SPHK1: variants seen among roughly 807,000 people sequenced by gnomAD.
The protein encoded by SPHK1 is SK 1.
In SPHK1, 10 loss-of-function variants were observed where a neutral mutation model predicts 14.6. The ratio of observed to expected loss-of-function variants is 0.68; its 90% CI spans 0.42 to 1.16. SPHK1 has a LOEUF of 1.16. Ranked by LOEUF, SPHK1 falls within the 50% of genes most tolerant of loss-of-function variation. SPHK1 has a pLI of 0.00. For missense variants in SPHK1, 553 were observed against 525.4 expected (o/e 1.05, Z -0.51); for synonymous variants, 274 against 224.0 (o/e 1.22, Z -1.99).
At position 76,385,324 on chromosome 17, in the gene SPHK1, G is replaced by A; in HGVS notation, c.-194-127G>A. The A allele has an allele frequency of 1.4e-6, 2 of 1,452,724 alleles. No homozygotes were observed. Among genetic ancestry groups the A allele is most frequent in the Non-Finnish European group, 1.8e-6 (2 of 1,103,884 alleles). 90.0% of individuals were successfully genotyped at this position (1,452,724 alleles called of 1,614,324 possible). ...CGGCGGGGGCGCCCTCGGAGGCACC[G>A]GACCTCAGCTCTCTGGACTTCCCGG... On this transcript the variant is annotated intron_variant, in intron 1 of 5. Coordinates refer to ENST00000592299, the MANE Select transcript of SPHK1 (RefSeq NM_001142601.2). The surrounding 1 kb of genome is among the most constrained non-coding windows in gnomAD (Gnocchi z 5.3).
upstream of SPHK1, chr17:76,384,560 G>GGGA (rs1397160827): frequency 6.6e-6 from 1 of 151,242 alleles, no homozygotes; most frequent in Non-Finnish European, 1.5e-5. Context: ...GCCGGGCTCA[G>GGGA]GTTCCACCCC....
chr17:76,387,842 A>C lies in SPHK1; in HGVS notation c.*256A>C. The C allele has an allele frequency of 4.4e-6, 2 of 455,350 alleles. No individual in the cohort carries two copies. Among genetic ancestry groups the C allele is most frequent in the Non-Finnish European group, 7.8e-6 (2 of 256,534 alleles). The allele number at this position is 455,350 out of a possible 1,614,324, so 28.2% of individuals were successfully genotyped here. On this transcript the variant is annotated 3_prime_UTR_variant, in exon 6 of 6. Transcript: ENST00000592299. This position sits in a 1 kb window ranked among gnomAD's most constrained non-coding sequence, Gnocchi z 4.1. ...CCACCCCACGAACCAAATCCAAATA[A>C]AGTGACATTCCCAGCCTGCTCGTCC...
At chr17:76,383,591 T>C (rs2071905765), upstream of SPHK1, 1 of 268,532 alleles carries the variant, frequency 3.7e-6, no homozygotes, top group Non-Finnish European at 7.5e-6. Context: ...CGCAGGGGCT[T>C]GGTTTCTCCT....
chr17:76,385,483 C>T lies in SPHK1; in HGVS notation c.-162C>T, dbSNP rs1390656209. The T allele has an allele frequency of 1.9e-6, 3 of 1,560,996 alleles. 1 individual carries two copies. The highest frequency in any genetic ancestry group is 2.3e-5 in the East Asian group (1 of 42,788). On this transcript the variant is annotated 5_prime_UTR_variant, in exon 2 of 6. Coordinates refer to ENST00000592299, the MANE Select transcript of SPHK1 (RefSeq NM_001142601.2). This position sits in a 1 kb window ranked among gnomAD's most constrained non-coding sequence, Gnocchi z 5.3. The stretch of plus-strand genomic sequence containing the variant: ...CGCCGCAGGGAATGACGCCGGTGCT[C>T]CTGCAGCCACGGCTCCGGGCGGGGA...
Position 76,386,762 on chromosome 17 carries a change from A to G in SPHK1, c.375-44A>G, listed in dbSNP as rs1437909754. On this transcript the variant is annotated intron_variant, in intron 5 of 5. Coordinates refer to ENST00000592299, the MANE Select transcript of SPHK1 (RefSeq NM_001142601.2). This position sits in a 1 kb window ranked among gnomAD's most constrained non-coding sequence, Gnocchi z 5.3. ...CCCGGGAGGAGGAAGCGGGGGATAC[A>G]TGGGGGCTCCTGTCCTGCCTTATCT... 7 of 1,514,162 alleles carry G rather than the reference A, an allele frequency of 4.6e-6. No individual in the cohort carries two copies. The highest frequency in any genetic ancestry group is 1.3e-5 in the South Asian group (1 of 75,376). The allele number at this position is 1,514,162 out of a possible 1,614,324, so 93.8% of individuals were successfully genotyped here.
At chr17:76,383,826 A>G (rs2071910359), upstream of SPHK1, 3 of 1,286,378 alleles carry the variant, frequency 2.3e-6, no homozygotes, top group Non-Finnish European at 3.0e-6. Context: ...GCTGAGCCAG[A>G]GGGGGCGGGG....
At position 76,387,178 on chromosome 17, in the gene SPHK1, G is replaced by C; in HGVS notation, c.747G>C (p.Trp249Cys). 3 of 1,613,262 alleles carry C rather than the reference G, an allele frequency of 1.9e-6. No individual in the cohort carries two copies. Among genetic ancestry groups the C allele is most frequent in the Non-Finnish European group, 2.5e-6 (3 of 1,179,978 alleles). ...VPLEEPVPSH[W>C]TVVPDEDFVL... The stretch of plus-strand genomic sequence containing the variant: ...TGGAGGAGCCAGTGCCCTCTCACTG[G>C]ACAGTGGTGCCCGACGAGGACTTTG... The change falls in exon 6 of 6, where the codon TGG becomes TGC. Residue 249 changes from tryptophan to cysteine, a missense_variant. Transcript: ENST00000592299. The surrounding 1 kb of genome is among the most constrained non-coding windows in gnomAD (Gnocchi z 4.1).
chr17:76,384,571 C>T (rs2071926379), upstream of SPHK1: 1 of 151,478 alleles, frequency 6.6e-6, no homozygotes, highest in Non-Finnish European at 1.5e-5. Flanking sequence ...GTTCCACCCC[C>T]GGGAGCGCGG....
At position 76,387,252 on chromosome 17, in the gene SPHK1, C is replaced by T; in HGVS notation, c.821C>T (p.Ala274Val). ...TCGCACCTGGGCAGTGAGATGTTTG[C>T]TGCACCCATGGGCCGCTGTGCAGCT... ...LHSHLGSEMF[A>V]APMGRCAAGV... Residue 274 changes from alanine to valine, a missense_variant, in exon 6 of 6, where the codon GCT becomes GTT. Ala to Val is a moderately conservative substitution (Grantham distance 64). Transcript: ENST00000592299. The surrounding 1 kb of genome is among the most constrained non-coding windows in gnomAD (Gnocchi z 4.1). 6.2e-7 allele frequency: 1 copy of T among 1,613,356 alleles called. No individual in the cohort carries two copies.
At chr17:76,383,816 G>C (rs1231065077), upstream of SPHK1, 1 of 1,286,632 alleles carries the variant, frequency 7.8e-7, no homozygotes, top group East Asian at 5.6e-5. Context: ...CCTTCTTCAC[G>C]CTGAGCCAGA....
rs532940482 is a variant in SPHK1 at position 76,386,876 on chromosome 17, C to G, written c.445C>G (p.Pro149Ala). The G allele has an allele frequency of 6.2e-7, 1 of 1,608,470 alleles. No homozygotes were observed. Among genetic ancestry groups the G allele is most frequent in the Admixed American group, 1.7e-5 (1 of 59,684 alleles). The change falls in exon 6 of 6, where the codon CCC (proline) becomes GCC (alanine). Residue 149 changes from proline to alanine, a missense_variant. Coordinates refer to ENST00000592299, the MANE Select transcript of SPHK1 (RefSeq NM_001142601.2). The surrounding 1 kb of genome is among the most constrained non-coding windows in gnomAD (Gnocchi z 5.3). ...ATTGCTGTGCCGCCGGCTGCTGTCA[C>G]CCATGAACCTGCTGTCTCTGCACAC... ...TLLLCRRLLS[P>A]MNLLSLHTAS...
rs2071990304 is a variant in SPHK1, at chr17:76,386,683, TA to T, written c.375-122del. 1 of 1,260,990 alleles carries T rather than the reference TA, an allele frequency of 7.9e-7. No individual in the cohort carries two copies. Among genetic ancestry groups the T allele is most frequent in the South Asian group, 1.5e-5 (1 of 68,836 alleles). 78.1% of individuals were successfully genotyped at this position (1,260,990 alleles called of 1,614,324 possible). A position where few individuals can be genotyped will look rare whatever the true frequency, so the allele number is the denominator to read the frequency against. The stretch of plus-strand genomic sequence containing the variant: ...GCTTCCATTTGCTCCATCTGTCACC[TA>T]CCAGTCCTGCCAACTCCCCAGGGAC... On this transcript the variant is annotated intron_variant, in intron 5 of 5. Coordinates refer to ENST00000592299, the MANE Select transcript of SPHK1 (RefSeq NM_001142601.2). The surrounding 1 kb of genome is among the most constrained non-coding windows in gnomAD (Gnocchi z 5.3).
Position 76,386,051 on chromosome 17 carries a change from G to A in SPHK1, c.77G>A (p.Gly26Asp). The A allele has an allele frequency of 1.2e-6, 2 of 1,608,240 alleles. No individual in the cohort carries two copies. Among genetic ancestry groups the A allele is most frequent in the Non-Finnish European group, 1.7e-6 (2 of 1,177,534 alleles). Residue 26 changes from glycine (G) to aspartate (D), a missense_variant, in exon 3 of 6, where the codon GGC becomes GAC. Physicochemically the swap from Gly to Asp is moderately conservative, Grantham distance 94. Transcript: ENST00000592299. This position sits in a 1 kb window ranked among gnomAD's most constrained non-coding sequence, Gnocchi z 5.3. ...RVLVLLNPRG[G>D]KGKALQLFRS... ...CTGGTGCTGCTGAACCCGCGCGGCG[G>A]CAAGGGCAAGGCCTTGCAGCTCTTC...
chr17:76,386,333 C>G lies in SPHK1; in HGVS notation c.258+18C>G. On this transcript the variant is annotated intron_variant, in intron 4 of 5. Coordinates refer to ENST00000592299, the MANE Select transcript of SPHK1 (RefSeq NM_001142601.2). This position sits in a 1 kb window ranked among gnomAD's most constrained non-coding sequence, Gnocchi z 5.3. Reference sequence around the variant, plus strand: ...TGCACGAGGTGAGGACCGCACTGCGCGGCTAGGCCTGGGGCTTGGCGCGGT... The same window carrying G: ...TGCACGAGGTGAGGACCGCACTGCGGGGCTAGGCCTGGGGCTTGGCGCGGT... The G allele has an allele frequency of 6.2e-7, 1 of 1,605,650 alleles. No homozygotes were observed. Among genetic ancestry groups the G allele is most frequent in the East Asian group, 2.2e-5 (1 of 44,728 alleles).
Position 76,385,635 on chromosome 17 carries a change from G to A in SPHK1, c.-10G>A, listed in dbSNP as rs767526349. The A allele has an allele frequency of 8.5e-6, 13 of 1,538,268 alleles. No homozygotes were observed. In the South Asian group the frequency reaches 1.4e-4, roughly 17 times the overall value. ...GGACCCCCTGGCAGCGGGAGCCGCG[G>A]GTCGAGGTTATGGATCCAGGTTTGT... is the stretch of plus-strand genomic sequence containing the variant. On this transcript the variant is annotated 5_prime_UTR_variant, in exon 2 of 6. Coordinates refer to ENST00000592299, the MANE Select transcript of SPHK1 (RefSeq NM_001142601.2). The surrounding 1 kb of genome is among the most constrained non-coding windows in gnomAD (Gnocchi z 5.3).
At position 76,386,945 on chromosome 17, in the gene SPHK1, G is replaced by A. The variant is rs2143634638; in HGVS notation, c.514G>A (p.Gly172Ser). 1.2e-6 allele frequency: 2 copies of A among 1,613,426 alleles called. No individual in the cohort carries two copies. Among genetic ancestry groups the A allele is most frequent in the East Asian group, 4.5e-5 (2 of 44,840 alleles). Residue 172 changes from glycine to serine, a missense_variant, in exon 6 of 6, where the codon GGC becomes AGC. Transcript: ENST00000592299. The surrounding 1 kb of genome is among the most constrained non-coding windows in gnomAD (Gnocchi z 5.3). ...CTTCTCTGTGCTCAGCCTGGCCTGG[G>A]GCTTCATTGCTGATGTGGACCTAGA... ...RLFSVLSLAW[G>S]FIADVDLESE...
rs1223637819 is a variant in SPHK1, at chr17:76,386,517, C to T, written c.374+9C>T. Reference sequence around the variant, plus strand: ...TTGAACCATTATGCTGGGTGAGAGCCCAGGGCCAGAGTAGGCCTGTTTCCC... The same window carrying T: ...TTGAACCATTATGCTGGGTGAGAGCTCAGGGCCAGAGTAGGCCTGTTTCCC... On this transcript the variant is annotated intron_variant, in intron 5 of 5. Coordinates refer to ENST00000592299, the MANE Select transcript of SPHK1 (RefSeq NM_001142601.2). This position sits in a 1 kb window ranked among gnomAD's most constrained non-coding sequence, Gnocchi z 5.3. The T allele has an allele frequency of 6.2e-7, 1 of 1,609,394 alleles. No individual in the cohort carries two copies. The highest frequency in any genetic ancestry group is 1.1e-5 in the South Asian group (1 of 90,902).
rs138805015 is a variant in SPHK1 at position 76,386,861 on chromosome 17, C to T, written c.430C>T (p.Arg144Cys). The T allele has an allele frequency of 9.4e-6, 15 of 1,598,380 alleles. No homozygotes were observed. Among genetic ancestry groups the T allele is most frequent in the East Asian group, 6.7e-5 (3 of 44,644 alleles). ...LLTNCTLLLC[R>C]RLLSPMNLLS... The stretch of plus-strand genomic sequence containing the variant: ...GACCAACTGCACGCTATTGCTGTGC[C>T]GCCGGCTGCTGTCACCCATGAACCT... Residue 144 changes from arginine to cysteine, a missense_variant, in exon 6 of 6, where the codon CGC (arginine) becomes TGC (cysteine). Coordinates refer to ENST00000592299, the MANE Select transcript of SPHK1 (RefSeq NM_001142601.2). This position sits in a 1 kb window ranked among gnomAD's most constrained non-coding sequence, Gnocchi z 5.3.
Position 76,387,822 on chromosome 17 carries a change from C to A in SPHK1, c.*236C>A, listed in dbSNP as rs1273889809. The stretch of plus-strand genomic sequence containing the variant: ...TCTAGTTTGTTCTGAGACCCCCACC[C>A]CACGAACCAAATCCAAATAAAGTGA... On this transcript the variant is annotated 3_prime_UTR_variant, in exon 6 of 6. Coordinates refer to ENST00000592299, the MANE Select transcript of SPHK1 (RefSeq NM_001142601.2). This position sits in a 1 kb window ranked among gnomAD's most constrained non-coding sequence, Gnocchi z 4.1. The A allele has an allele frequency of 1.2e-5, 6 of 498,228 alleles. No homozygotes were observed. Among genetic ancestry groups the A allele is most frequent in the Non-Finnish European group, 1.8e-5 (5 of 283,686 alleles). The allele number at this position is 498,228 out of a possible 1,614,324, so 30.9% of individuals were successfully genotyped here. A position where few individuals can be genotyped will look rare whatever the true frequency, so the allele number is the denominator to read the frequency against.
Sources: gnomAD v4.1 joint callset for allele counts on GRCh38, gnomAD v4.1.1 for gene constraint, Gnocchi (gnomAD v3.1) non-coding constraint, MANE v1.5 for transcripts, NCBI Gene and HGNC (gene_info 2026-07-23, HGNC 2026-07-21) for gene names.